The following CDH3 variants were observed in gnomAD, a reference collection of about 807,000 sequenced individuals.
The protein encoded by CDH3 is cadherin-3.
In CDH3, 54 loss-of-function variants were observed where a neutral mutation model predicts 82.0. That is an observed-to-expected ratio of 0.66 (90% CI 0.53 to 0.83). CDH3 has a LOEUF of 0.83. Ranked by LOEUF, CDH3 falls within the 40% of genes least tolerant of loss-of-function variation. The probability of loss-of-function intolerance (pLI) is 0.00; values close to 1 mark genes in which losing one functional copy is unlikely to be tolerated. For missense variants in CDH3, 1,054 were observed against 1,084.6 expected (o/e 0.97, Z 0.40); for synonymous variants, 446 against 437.9 (o/e 1.02, Z -0.23).
At chr16:68,712,902 G>A (rs56253525) in intron 1 of CDH3, among the ~76,000 whole-genome samples, 17,411 of 151,978 alleles carry the variant, frequency 0.11, 1,007 homozygotes, top group Middle Eastern at 0.15. Context: ...GGCTGGTCTC[G>A]AACTCCTGAC....
downstream of CDH3, among the ~76,000 whole-genome samples, chr16:68,703,107 C>A (rs981926184): frequency 6.6e-5 from 10 of 152,192 alleles, no homozygotes; most frequent in Non-Finnish European, 1.2e-4. Flanking sequence ...TCATACCATG[C>A]CTTTTCCCTC....
chr16:68,712,898 T>G (rs1398066784), intron 1 of CDH3, among the ~76,000 whole-genome samples: 6 of 152,138 alleles, frequency 3.9e-5, no homozygotes, highest in East Asian at 1.9e-4. Context: ...GCCAGGCTGG[T>G]CTCGAACTCC....
chr16:68,651,285 G>A, intron 2 of CDH3: 1 of 547,002 alleles, frequency 1.8e-6, no homozygotes, highest in Non-Finnish European at 3.7e-6. Flanking sequence ...GCTGGGTCCA[G>A]GGAGCCGTCA....
At chr16:68,723,050 C>CT (rs61216517) in intron 2 of CDH3, among the ~76,000 whole-genome samples, 7,048 of 145,522 alleles carry the variant, frequency 0.048, 533 homozygotes, top group African/African-American at 0.16. Flanking sequence ...GCCTCTATTA[C>CT]TTTTTTTTTT....
downstream of CDH3, among the ~76,000 whole-genome samples, chr16:68,704,009 G>A (rs1016629672): frequency 1.5e-4 from 23 of 151,928 alleles, no homozygotes; most frequent in Middle Eastern, 3.4e-3. Flanking sequence ...AATATTGGCC[G>A]GGCGCGGTGG....
chr16:68,658,009 C>G (rs1960450656), intron 2 of CDH3, among the ~76,000 whole-genome samples: 2 of 151,964 alleles, frequency 1.3e-5, no homozygotes, highest in South Asian at 4.2e-4. Context: ...GAAGTCTCCT[C>G]CTTCAAATTT....
intron 13 of CDH3, among the ~76,000 whole-genome samples, chr16:68,694,873 G>A (rs1295196200): frequency 1.3e-5 from 2 of 152,184 alleles, no homozygotes; most frequent in African/African-American, 2.4e-5. Flanking sequence ...GGAGAAGGAA[G>A]TCAGAATCTT....
intron 2 of CDH3, among the ~76,000 whole-genome samples, chr16:68,665,107 T>A (rs1430240943): frequency 1.3e-5 from 2 of 152,188 alleles, no homozygotes; most frequent in Non-Finnish European, 2.9e-5. Flanking sequence ...TACTTTATTG[T>A]GCTTTTTAAA....
At chr16:68,646,123 G>A (rs796675150) in intron 2 of CDH3, 15 of 273,376 alleles carry the variant, frequency 5.5e-5, no homozygotes, top group African/African-American at 3.4e-4. Context: ...GATGAGCCGT[G>A]CCCCGGGCAG....
chr16:68,720,765 G>A (rs1962152908), intron 1 of CDH3, among the ~76,000 whole-genome samples: 3 of 151,892 alleles, frequency 2.0e-5, no homozygotes, highest in South Asian at 2.1e-4. Context: ...GGGATTACAG[G>A]AGCCTGCCAC....
intron 2 of CDH3, among the ~76,000 whole-genome samples, chr16:68,675,396 C>T (rs1961000952): frequency 6.6e-6 from 1 of 152,170 alleles, no homozygotes; most frequent in African/African-American, 2.4e-5. Flanking sequence ...TCCCTGATTT[C>T]TTGCGTTGGC....
downstream of CDH3, among the ~76,000 whole-genome samples, chr16:68,704,546 C>T (rs1484040987): frequency 6.6e-6 from 1 of 152,342 alleles, no homozygotes; most frequent in East Asian, 1.9e-4. Flanking sequence ...CAAACCACCA[C>T]CACAGCGCAT....
chr16:68,676,291 A>T (rs937530453), intron 2 of CDH3, 94 bp from the exon 3 acceptor site: 1 of 853,062 alleles, frequency 1.2e-6, no homozygotes, highest in African/African-American at 1.7e-5. Flanking sequence ...GCAGTCCTGG[A>T]TCCAGTCAGA....
chr16:68,679,631 G>A (rs1961147320), intron 6 of CDH3, among the ~76,000 whole-genome samples, 168 bp from the exon 7 acceptor site: 1 of 138,412 alleles, frequency 7.2e-6, no homozygotes, highest in African/African-American at 2.7e-5. Flanking sequence ...GGAGGCAGAG[G>A]TTGCAGTGAG....
chr16:68,730,895 C>T (rs1262302883), downstream of CDH3, among the ~76,000 whole-genome samples: 2 of 149,984 alleles, frequency 1.3e-5, no homozygotes, highest in African/African-American at 2.5e-5. Flanking sequence ...TGGTGCATGC[C>T]TGTAGTCCCA....
At position 68,698,935 on chromosome 16, in the gene CDH3, G is replaced by A. The variant is rs955104733; in HGVS notation, c.*535G>A. The A allele has an allele frequency of 1.9e-5, 3 of 156,276 alleles. No homozygotes were observed. The highest frequency in any genetic ancestry group is 4.2e-5 in the Non-Finnish European group (3 of 70,770). The allele number at this position is 156,276 out of a possible 1,614,324, so 9.7% of individuals were successfully genotyped here. A position where few individuals can be genotyped will look rare whatever the true frequency, so the allele number is the denominator to read the frequency against. ...GCGTTTTTATACTGAGTGTGCCTAGGTTGCCCCTTATTTTTTATTTTCCCT... is the reference window on the plus strand; with the variant it reads ...GCGTTTTTATACTGAGTGTGCCTAGATTGCCCCTTATTTTTTATTTTCCCT... On this transcript the variant is annotated 3_prime_UTR_variant, in exon 16 of 16. Transcript: ENST00000264012.
chr16:68,696,287 C>T (rs965811910), intron 15 of CDH3: 6 of 345,672 alleles, frequency 1.7e-5, no homozygotes, highest in South Asian at 4.6e-5. Context: ...GGCATGGTGG[C>T]GGGCACCTGT....
At chr16:68,708,054 G>T (rs925060601) in intron 1 of CDH3, among the ~76,000 whole-genome samples, 2 of 151,988 alleles carry the variant, frequency 1.3e-5, no homozygotes, top group East Asian at 3.9e-4. Context: ...TAGACTGGGC[G>T]CAGTGACTCA....
chr16:68,715,422 C>A (rs866117945), intron 1 of CDH3, among the ~76,000 whole-genome samples: 18 of 141,838 alleles, frequency 1.3e-4, no homozygotes, highest in South Asian at 2.3e-4. Flanking sequence ...GCACGACTCT[C>A]AAAAAAAAAA....
Sources: gnomAD v4.1 joint callset for allele counts (sites outside exome capture counted in the v4.1 genomes callset) on GRCh38, gnomAD v4.1.1 for gene constraint, MANE v1.5 for transcripts, NCBI Gene and HGNC (gene_info 2026-07-23, HGNC 2026-07-21) for gene names.